Variants in NRROS observed in about 807,000 individuals in gnomAD.
NRROS encodes the protein transforming growth factor beta activator LRRC33.
NRROS carries 6 observed loss-of-function variants against 12.0 expected under a neutral mutation model. The observed-to-expected ratio is 0.50, with a 90% CI of 0.27 to 0.98. NRROS has a LOEUF of 0.98. Ranked by LOEUF, NRROS falls within the 50% of genes least tolerant of loss-of-function variation. NRROS has a pLI of 0.11. For synonymous variants in NRROS, 462 were observed against 410.2 expected (o/e 1.13, Z -1.53); for missense variants, 857 against 888.2 (o/e 0.96, Z 0.45).
At chr3:196,656,942 G>T (rs946886923) in intron 2 of NRROS, among the ~76,000 whole-genome samples, 1 of 151,924 alleles carries the variant, frequency 6.6e-6, no homozygotes, top group Non-Finnish European at 1.5e-5. Flanking sequence ...GGTGGCTCCC[G>T]CCTGTAATCT....
At chr3:196,648,766 C>CAAAAAAAA (rs34359599) in intron 1 of NRROS, among the ~76,000 whole-genome samples, 32 of 74,800 alleles carry the variant, frequency 4.3e-4, no homozygotes, top group African/African-American at 1.4e-3. Context: ...AACTCCATCT[C>CAAAAAAAA]AAAAAAAAAA....
Position 196,660,861 on chromosome 3 carries a change from G to C in NRROS, c.1218G>C (p.Leu406Phe). Residue 406 changes from leucine to phenylalanine, a missense_variant, in exon 3 of 3, where the codon TTG (leucine) becomes TTC (phenylalanine). Transcript: ENST00000328557. This position sits in a 1 kb window ranked among gnomAD's most constrained non-coding sequence, Gnocchi z 7.7. Reference sequence around the variant, plus strand: ...CCAGCTGCCTGGGCAGCCTGCGCTTGTTCAACCTGAGCTCCAACCAGCTCC... The same window carrying C: ...CCAGCTGCCTGGGCAGCCTGCGCTTCTTCAACCTGAGCTCCAACCAGCTCC... The part of the protein sequence containing the change: ...GLASCLGSLR[L>F]FNLSSNQLLG... 1 of 1,613,942 alleles carries C rather than the reference G, an allele frequency of 6.2e-7. No individual in the cohort carries two copies.
chr3:196,658,873 A>G (rs183263401), intron 2 of NRROS, among the ~76,000 whole-genome samples: 50 of 152,224 alleles, frequency 3.3e-4, no homozygotes, highest in South Asian at 1.0e-3. Flanking sequence ...GGGAGGCTGA[A>G]ACAGGAGAAT....
In NRROS at chr3:196,661,097, C is replaced by T; in HGVS notation, c.1454C>T (p.Thr485Ile). The stretch of plus-strand genomic sequence containing the variant: ...TTGCCAGACTGCCCATTCCAAGGGA[C>T]CTCCCTGACCTACTTAGACCTCTCA... ...GALPDCPFQG[T>I]SLTYLDLSSN... The change falls in exon 3 of 3, where the codon ACC (threonine) becomes ATC (isoleucine). Residue 485 changes from threonine to isoleucine, a missense_variant. Coordinates refer to ENST00000328557, the MANE Select transcript of NRROS (RefSeq NM_198565.3). 2 of 1,614,124 alleles carry T rather than the reference C, an allele frequency of 1.2e-6. No individual in the cohort carries two copies. Among genetic ancestry groups the T allele is most frequent in the Non-Finnish European group, 1.7e-6 (2 of 1,180,008 alleles).
intron 1 of NRROS, among the ~76,000 whole-genome samples, chr3:196,651,280 A>ATT (rs1397866356): frequency 2.0e-5 from 3 of 152,220 alleles, no homozygotes; most frequent in Non-Finnish European, 4.4e-5. Flanking sequence ...GGTCTTGGCC[A>ATT]TTCTCACATG....
At chr3:196,651,000 C>G (rs1181977165) in intron 1 of NRROS, among the ~76,000 whole-genome samples, 1 of 152,220 alleles carries the variant, frequency 6.6e-6, no homozygotes, top group Non-Finnish European at 1.5e-5. Context: ...TAGATGCCCT[C>G]TTACAGCTGC....
rs1296838047 is a variant in NRROS, at chr3:196,661,619, G to A, written c.1976G>A (p.Ser659Asn). ...GLLYLVLILP[S>N]CLTLLVACTV... ...CTCTACCTCGTGCTCATCCTCCCCA[G>A]CTGCCTCACCCTGCTGGTGGCCTGC... Residue 659 changes from serine (S) to asparagine (N), a missense_variant, in exon 3 of 3, where the codon AGC (serine) becomes AAC (asparagine). Ser to Asn is a conservative substitution (Grantham distance 46). Coordinates refer to ENST00000328557, the MANE Select transcript of NRROS (RefSeq NM_198565.3). 1 of 1,612,962 alleles carries A rather than the reference G, an allele frequency of 6.2e-7. No homozygotes were observed. The highest frequency in any genetic ancestry group is 8.5e-7 in the Non-Finnish European group (1 of 1,180,022).
intron 1 of NRROS, among the ~76,000 whole-genome samples, chr3:196,649,352 C>A (rs1387603808): frequency 6.6e-6 from 1 of 152,214 alleles, no homozygotes; most frequent in Non-Finnish European, 1.5e-5. Flanking sequence ...TTGTGGAGGC[C>A]TCCATCCGGC....
Position 196,654,765 on chromosome 3 carries a change from C to G in NRROS, c.108+118C>G. 1 of 652,448 alleles carries G rather than the reference C, an allele frequency of 1.5e-6. No homozygotes were observed. Among genetic ancestry groups the G allele is most frequent in the Admixed American group, 2.9e-5 (1 of 34,964 alleles). The allele number at this position is 652,448 out of a possible 1,614,324, so 40.4% of individuals were successfully genotyped here. ...GCAGAGAATGAAGGAGCCTGCATCA[C>G]TCTGTGCCTGCCTAGCACAGGGGCA... On this transcript the variant is annotated intron_variant, in intron 2 of 2. Transcript: ENST00000328557. The surrounding 1 kb of genome is among the most constrained non-coding windows in gnomAD (Gnocchi z 4.4).
At chr3:196,645,161 T>TA (rs1737284385) in intron 1 of NRROS, among the ~76,000 whole-genome samples, 2 of 152,306 alleles carry the variant, frequency 1.3e-5, no homozygotes, top group South Asian at 4.1e-4. Context: ...AATTACTGGG[T>TA]TATTGCTCCA....
rs1488988173 is a variant in NRROS at position 196,661,407 on chromosome 3, C to T, written c.1764C>T (p.Thr588=). Residue 588 remains threonine (T), a synonymous_variant, in exon 3 of 3, where the codon ACC becomes ACT. Transcript: ENST00000328557. The part of the protein sequence containing the change: ...VSEQLSRGLR[T]IYLSQNPYDC... ...AGCAGCTCTCGAGAGGTCTGCGGAC[C>T]ATCTACCTCAGTCAGAATCCATATG... 6.4e-7 allele frequency: 1 copy of T among 1,572,556 alleles called. No homozygotes were observed. Among genetic ancestry groups the T allele is most frequent in the Non-Finnish European group, 8.6e-7 (1 of 1,156,406 alleles).
chr3:196,660,029 A>G lies in NRROS; in HGVS notation c.386A>G (p.His129Arg), dbSNP rs1197289590. Residue 129 changes from histidine to arginine, a missense_variant, in exon 3 of 3, where the codon CAC (histidine) becomes CGC (arginine). Coordinates refer to ENST00000328557, the MANE Select transcript of NRROS (RefSeq NM_198565.3). The surrounding 1 kb of genome is among the most constrained non-coding windows in gnomAD (Gnocchi z 7.7). ...TACGAAGAGACGGCAGCCGCCCTCCACGCCCTGCCGGGCCTGCGGAGGCTG... is the reference window on the plus strand; with the variant it reads ...TACGAAGAGACGGCAGCCGCCCTCCGCGCCCTGCCGGGCCTGCGGAGGCTG... ...ENYEETAAALHALPGLRRLDL... is the reference protein window; with the variant it reads ...ENYEETAAALRALPGLRRLDL... 3.1e-6 allele frequency: 5 copies of G among 1,613,366 alleles called. No homozygotes were observed. Among genetic ancestry groups the G allele is most frequent in the Non-Finnish European group, 4.2e-6 (5 of 1,179,938 alleles).
In NRROS at chr3:196,661,305, TG is replaced by T; in HGVS notation, c.1667del (p.Gly556AlafsTer75). 1.2e-6 allele frequency: 2 copies of T among 1,608,438 alleles called. No homozygotes were observed. The highest frequency in any genetic ancestry group is 1.7e-6 in the Non-Finnish European group (2 of 1,177,114). On this transcript the variant is annotated frameshift_variant, in exon 3 of 3. Transcript: ENST00000328557. LOFTEE classifies it low-confidence loss of function (END_TRUNC). ...ATTGCTTGACCACCTTCCCAAGGTT[TG>T]GGGGCAGCCTGGCCCTGGAGACCCT... ...GNCLTTFPRFGGSLALETLDL... is the reference protein window; with the variant it reads ...GNCLTTFPRFXGSLALETLDL...
In NRROS at chr3:196,661,443, G is replaced by A. The variant is rs528144862; in HGVS notation, c.1800G>A (p.Gly600=). ...YLSQNPYDCC[G]VDGWGALQHG... is the part of the protein sequence containing the mutation. ...GTCAGAATCCATATGACTGCTGTGG[G>A]GTGGATGGCTGGGGGGCCCTGCAGC... Residue 600 remains glycine, a synonymous_variant, in exon 3 of 3, where the codon GGG becomes GGA. Coordinates refer to ENST00000328557, the MANE Select transcript of NRROS (RefSeq NM_198565.3). The A allele has an allele frequency of 1.9e-6, 3 of 1,592,022 alleles. No individual in the cohort carries two copies. The highest frequency in any genetic ancestry group is 1.3e-5 in the African/African-American group (1 of 74,832).
In NRROS at chr3:196,661,308, G is replaced by A; in HGVS notation, c.1665G>A (p.Gly555=). Residue 555 remains glycine, a synonymous_variant, in exon 3 of 3, where the codon GGG becomes GGA. Coordinates refer to ENST00000328557, the MANE Select transcript of NRROS (RefSeq NM_198565.3). ...GCTTGACCACCTTCCCAAGGTTTGGGGGCAGCCTGGCCCTGGAGACCCTGG... is the reference window on the plus strand; with the variant it reads ...GCTTGACCACCTTCCCAAGGTTTGGAGGCAGCCTGGCCCTGGAGACCCTGG... ...GNCLTTFPRF[G]GSLALETLDL... 1 of 1,606,576 alleles carries A rather than the reference G, an allele frequency of 6.2e-7. No individual in the cohort carries two copies. The highest frequency in any genetic ancestry group is 8.5e-7 in the Non-Finnish European group (1 of 1,176,220).
chr3:196,660,071 C>T lies in NRROS; in HGVS notation c.428C>T (p.Ala143Val), dbSNP rs908353991. 1.4e-5 allele frequency: 22 copies of T among 1,613,108 alleles called. No homozygotes were observed. The African/African-American group carries it at 2.7e-4, about 20-fold the overall frequency. The change falls in exon 3 of 3, where the codon GCC becomes GTC. Residue 143 changes from alanine (A) to valine (V), a missense_variant. By Grantham distance (64) the Ala-to-Val change is moderately conservative. Transcript: ENST00000328557. This position sits in a 1 kb window ranked among gnomAD's most constrained non-coding sequence, Gnocchi z 7.7. ...GLRRLDLSGN[A>V]LTEDMAALML... The stretch of plus-strand genomic sequence containing the variant: ...CGGAGGCTGGACTTGTCAGGAAACG[C>T]CCTGACGGAGGACATGGCAGCCCTC...
chr3:196,659,749 C>A lies in NRROS; in HGVS notation c.109-3C>A. ...CTGCTGACCGGTGTGGTTTTGGCCG[C>A]AGGTGGGTGGAGCCGCTGACTGCCG... On this transcript the variant is annotated splice_region_variant and splice_polypyrimidine_tract_variant and intron_variant, in intron 2 of 2. Coordinates refer to ENST00000328557, the MANE Select transcript of NRROS (RefSeq NM_198565.3). 6.2e-7 allele frequency: 1 copy of A among 1,603,710 alleles called. No individual in the cohort carries two copies. Among genetic ancestry groups the A allele is most frequent in the South Asian group, 1.1e-5 (1 of 89,978 alleles).
intron 2 of NRROS, among the ~76,000 whole-genome samples, chr3:196,657,707 C>A (rs368337921): frequency 3.0e-3 from 364 of 122,796 alleles, no homozygotes; most frequent in Middle Eastern, 4.4e-3. Flanking sequence ...GACTCTGTCT[C>A]AAAAAAAAAA....
intron 1 of NRROS, among the ~76,000 whole-genome samples, chr3:196,643,264 G>A (rs1029872776): frequency 6.6e-6 from 1 of 152,174 alleles, no homozygotes; most frequent in African/African-American, 2.4e-5. Context: ...ACGGAGTCAG[G>A]TGCTGACCCC....
Sources: allele counts gnomAD v4.1 joint callset (sites outside exome capture counted in the v4.1 genomes callset), GRCh38; gene constraint gnomAD v4.1.1; non-coding constraint Gnocchi (gnomAD v3.1); transcripts MANE v1.5; gene names NCBI Gene and HGNC (gene_info 2026-07-23, HGNC 2026-07-21).